The following GFPT2 variants were observed in gnomAD, a reference collection of about 807,000 sequenced individuals.
The protein encoded by GFPT2 is glutamine--fructose-6-phosphate aminotransferase [isomerizing] 2.
GFPT2 carries 62 observed loss-of-function variants against 85.6 expected under a neutral mutation model. The ratio of observed to expected loss-of-function variants is 0.72; its 90% CI spans 0.59 to 0.90. The LOEUF (loss-of-function observed/expected upper bound fraction) is 0.90. GFPT2 is among the 40% of genes least tolerant of loss of function. The pLI is 0.00. For synonymous variants in GFPT2, 368 were observed against 344.5 expected (o/e 1.07, Z -0.75); for missense variants, 788 against 893.4 (o/e 0.88, Z 1.50).
chr5:180,347,248 C>A (rs1764627026), intron 1 of GFPT2, among the ~76,000 whole-genome samples: 2 of 152,220 alleles, frequency 1.3e-5, no homozygotes, highest in Non-Finnish European at 2.9e-5. Context: ...AGAAAAGGAG[C>A]ACTTTGCAAC....
rs377347902 is a variant in GFPT2, at chr5:180,338,453, G to C, written c.115+40C>G. On this transcript the variant is annotated intron_variant, in intron 2 of 18. Coordinates refer to ENST00000253778, the MANE Select transcript of GFPT2 (RefSeq NM_005110.4). ...AGATGGGTGAGACCACAGCAGCGGA[G>C]CCCGGTCCCCAGCCACGAGGCGGGC... 37 of 1,140,588 alleles carry C rather than the reference G, an allele frequency of 3.2e-5. No individual in the cohort carries two copies. The African/African-American group carries it at 4.1e-4, about 13-fold the overall frequency. The allele number at this position is 1,140,588 out of a possible 1,614,324, so 70.7% of individuals were successfully genotyped here. A position where few individuals can be genotyped will look rare whatever the true frequency, so the allele number is the denominator to read the frequency against.
Position 180,353,291 on chromosome 5 carries a change from TCCTCCGTGGGCTCCGTGGGCTCCGTGG to T in GFPT2, c.-101_-75del. 9.0e-7 allele frequency: 1 copy of T among 1,107,596 alleles called. No homozygotes were observed. The allele number at this position is 1,107,596 out of a possible 1,614,324, so 68.6% of individuals were successfully genotyped here. The stretch of plus-strand genomic sequence containing the variant: ...CGGACGCTGGGGCTCCTCCGTGGGC[TCCTCCGTGGGCTCCGTGGGCTCCGTGG>T]GCTCCGCGGGCTCCAGCTCCCGTCC... On this transcript the variant is annotated 5_prime_UTR_variant, in exon 1 of 19. Coordinates refer to ENST00000253778, the MANE Select transcript of GFPT2 (RefSeq NM_005110.4).
intron 1 of GFPT2, among the ~76,000 whole-genome samples, chr5:180,341,806 G>A (rs1764521358): frequency 1.3e-5 from 2 of 152,210 alleles, no homozygotes; most frequent in South Asian, 2.1e-4. Flanking sequence ...AGTGAGGGCC[G>A]CGCAGCACTG....
chr5:180,309,238 A>G (rs1763832774), intron 15 of GFPT2, among the ~76,000 whole-genome samples: 1 of 152,176 alleles, frequency 6.6e-6, no homozygotes, highest in African/African-American at 2.4e-5. Context: ...TCTAACACTC[A>G]AAAGTTTTGC....
Position 180,345,779 on chromosome 5 carries a change from G to A in GFPT2, c.8-7179C>T, listed in dbSNP as rs28667546. 9.6e-3 allele frequency among the ~76,000 whole-genome samples: 1,460 copies of A among 152,284 alleles called. 25 individuals carry two copies. The highest frequency in any genetic ancestry group is 0.033 in the African/African-American group (1,377 of 41,544). ...AGATGGAGGAATGCCAGAGAAGGTA[G>A]CCTTTGAGCTGGGTCTGAGACAGCC... On this transcript the variant is annotated intron_variant, in intron 1 of 18. Coordinates refer to ENST00000253778, the MANE Select transcript of GFPT2 (RefSeq NM_005110.4).
intron 1 of GFPT2, among the ~76,000 whole-genome samples, chr5:180,342,109 G>T (rs1374643954): frequency 6.6e-6 from 1 of 152,114 alleles, no homozygotes; most frequent in Non-Finnish European, 1.5e-5. Flanking sequence ...CTCTTCTCTT[G>T]TCTGCCGCCA....
intron 9 of GFPT2, among the ~76,000 whole-genome samples, chr5:180,320,623 A>G (rs563469592): frequency 6.6e-6 from 1 of 152,240 alleles, no homozygotes; most frequent in African/African-American, 2.4e-5. Flanking sequence ...AAATACAAAA[A>G]TTAGCCAGGT....
chr5:180,341,181 A>G (rs13188590), intron 1 of GFPT2, among the ~76,000 whole-genome samples: 10,488 of 152,248 alleles, frequency 0.069, 507 homozygotes, highest in African/African-American at 0.14. Context: ...CCCACTGGCC[A>G]GTACCCCGGG....
intron 1 of GFPT2, among the ~76,000 whole-genome samples, chr5:180,341,186 C>T (rs1283237944): frequency 6.6e-6 from 1 of 152,168 alleles, no homozygotes; most frequent in Non-Finnish European, 1.5e-5. Context: ...TGGCCAGTAC[C>T]CCGGGATGGA....
intron 10 of GFPT2, among the ~76,000 whole-genome samples, chr5:180,317,804 G>A (rs1023910160): frequency 6.6e-6 from 1 of 151,936 alleles, no homozygotes; most frequent in Non-Finnish European, 1.5e-5. Context: ...GGCATTTCCA[G>A]GGCTCTGATT....
rs548295620 is a variant in GFPT2 at position 180,336,638 on chromosome 5, A to G, written c.116-61T>C. Reference sequence around the variant, plus strand: ...AAGCTTTTTCTCACACACTTGGCACAGGTGCTCCGCAGGGTCAGGGCTGCA... The same window carrying G: ...AAGCTTTTTCTCACACACTTGGCACGGGTGCTCCGCAGGGTCAGGGCTGCA... On this transcript the variant is annotated intron_variant, in intron 2 of 18. Transcript: ENST00000253778. The G allele has an allele frequency of 1.6e-4, 175 of 1,107,646 alleles. No individual in the cohort carries two copies. The African/African-American group carries it at 2.2e-3, about 14-fold the overall frequency. 68.6% of individuals were successfully genotyped at this position (1,107,646 alleles called of 1,614,324 possible). A position where few individuals can be genotyped will look rare whatever the true frequency, so the allele number is the denominator to read the frequency against.
In GFPT2 at chr5:180,328,149, A is replaced by G; in HGVS notation, c.596+128T>C. 1.5e-6 allele frequency: 1 copy of G among 674,694 alleles called. No homozygotes were observed. The highest frequency in any genetic ancestry group is 1.8e-5 in the African/African-American group (1 of 55,602). 41.8% of individuals were successfully genotyped at this position (674,694 alleles called of 1,614,324 possible). A position where few individuals can be genotyped will look rare whatever the true frequency, so the allele number is the denominator to read the frequency against. On this transcript the variant is annotated intron_variant, in intron 7 of 18. Transcript: ENST00000253778. This position sits in a 1 kb window ranked among gnomAD's most constrained non-coding sequence, Gnocchi z 5.4. ...GGGGCGCGGTCCCCGGGGCTGAGCC[A>G]CAGTTGTTCTTTAGACACCACGAGC... is the stretch of plus-strand genomic sequence containing the variant.
chr5:180,342,960 T>C (rs1463746733), intron 1 of GFPT2, among the ~76,000 whole-genome samples: 1 of 151,980 alleles, frequency 6.6e-6, no homozygotes, highest in African/African-American at 2.4e-5. Context: ...GAAAGTTCCC[T>C]GTGGGGACAT....
intron 17 of GFPT2, 130 bp downstream of exon 17, chr5:180,304,642 G>A (rs897417065): frequency 8.3e-6 from 7 of 846,534 alleles, no homozygotes; most frequent in Admixed American, 6.0e-5. Context: ...AGGCGGCCCG[G>A]GGGAGGGTGT....
chr5:180,324,772 G>C (rs904635065), intron 8 of GFPT2, 44 bp downstream of exon 8: 12 of 1,283,662 alleles, frequency 9.3e-6, no homozygotes, highest in Non-Finnish European at 1.4e-5. Flanking sequence ...CGAGTCCTGC[G>C]ACACCAGCAG....
At chr5:180,334,336 C>G (rs975176371) in intron 4 of GFPT2, among the ~76,000 whole-genome samples, 1 of 152,102 alleles carries the variant, frequency 6.6e-6, no homozygotes, top group Non-Finnish European at 1.5e-5. Flanking sequence ...CTGGTGAGGC[C>G]CTGCAGAGTG....
intron 9 of GFPT2, among the ~76,000 whole-genome samples, chr5:180,320,115 C>T (rs1764090140): frequency 1.3e-5 from 2 of 152,208 alleles, no homozygotes; most frequent in South Asian, 4.2e-4. Flanking sequence ...GCCTCAGCCT[C>T]CCGAGTAGCT....
intron 12 of GFPT2, 28 bp downstream of exon 12, chr5:180,316,736 C>G: frequency 6.6e-7 from 1 of 1,516,116 alleles, no homozygotes; most frequent in Non-Finnish European, 9.1e-7. Context: ...CTGCCGTCGA[C>G]TTCCCCACGC....
At chr5:180,325,367 C>G (rs564268465) in intron 7 of GFPT2, among the ~76,000 whole-genome samples, 5 of 152,304 alleles carry the variant, frequency 3.3e-5, no homozygotes, top group African/African-American at 1.2e-4. Flanking sequence ...TAGCCCAGTT[C>G]TCTAGCATTA....
Sources: gnomAD v4.1 joint callset for allele counts (sites outside exome capture counted in the v4.1 genomes callset) on GRCh38, gnomAD v4.1.1 for gene constraint, Gnocchi (gnomAD v3.1) non-coding constraint, MANE v1.5 for transcripts, NCBI Gene and HGNC (gene_info 2026-07-23, HGNC 2026-07-21) for gene names.